SYNPR: variants seen among roughly 807,000 people sequenced by gnomAD.
SYNPR encodes synaptoporin.
In SYNPR, 23 loss-of-function variants were observed where a neutral mutation model predicts 32.9. That is an observed-to-expected ratio of 0.70 (90% CI 0.50 to 0.99). The LOEUF is 0.99. Ranked by LOEUF, SYNPR falls within the 50% of genes least tolerant of loss-of-function variation. The pLI, the probability that SYNPR is intolerant of heterozygous loss-of-function variation, is 0.00. For synonymous variants in SYNPR, 146 were observed against 135.9 expected (o/e 1.07, Z -0.52); for missense variants, 318 against 349.3 (o/e 0.91, Z 0.71).
intron 4 of SYNPR, among the ~76,000 whole-genome samples, chr3:63,592,080 GA>G (rs1469213991): frequency 3.9e-5 from 6 of 152,046 alleles, no homozygotes; most frequent in African/African-American, 1.4e-4. Flanking sequence ...GTGTCCATAA[GA>G]GAAAAGAAGA....
chr3:63,493,794 T>C (rs11921202), intron 3 of SYNPR, among the ~76,000 whole-genome samples: 85,163 of 138,184 alleles, frequency 0.62, 25,787 homozygotes, highest in African/African-American at 0.68. Context: ...CCAGCCTGGG[T>C]AACAGTGCAA....
intron 3 of SYNPR, among the ~76,000 whole-genome samples, chr3:63,541,004 A>G (rs536032213): frequency 1.3e-5 from 2 of 150,076 alleles, no homozygotes; most frequent in South Asian, 2.1e-4. Context: ...TAGTACATCT[A>G]TTTCCCTGGC....
intron 3 of SYNPR, among the ~76,000 whole-genome samples, chr3:63,507,891 G>T (rs1701620084): frequency 6.6e-6 from 1 of 151,342 alleles, no homozygotes; most frequent in Non-Finnish European, 1.5e-5. Flanking sequence ...ACAAGCCATG[G>T]ATATAAGTCA....
intron 2 of SYNPR, among the ~76,000 whole-genome samples, chr3:63,407,510 T>C (rs938869549): frequency 1.3e-5 from 2 of 152,226 alleles, no homozygotes; most frequent in Non-Finnish European, 2.9e-5. Context: ...GATGCTATTG[T>C]AAGATATTCC....
chr3:63,416,176 T>A (rs1406606477), intron 2 of SYNPR, among the ~76,000 whole-genome samples: 1 of 152,234 alleles, frequency 6.6e-6, no homozygotes, highest in Non-Finnish European at 1.5e-5. Context: ...TATTTCATTC[T>A]ATTTATATGT....
chr3:63,254,865 T>C (rs1348110843), intron 2 of SYNPR, among the ~76,000 whole-genome samples: 3 of 152,168 alleles, frequency 2.0e-5, no homozygotes, highest in African/African-American at 7.2e-5. Context: ...CCAATATAAA[T>C]GGTCTTCTTA....
chr3:63,589,155 G>C (rs558277340), intron 4 of SYNPR, among the ~76,000 whole-genome samples: 42 of 152,166 alleles, frequency 2.8e-4, no homozygotes, highest in African/African-American at 8.7e-4. Flanking sequence ...TTCACCGTGA[G>C]TCCTGAGACT....
At chr3:63,286,431 C>A (rs1031688384) in intron 2 of SYNPR, among the ~76,000 whole-genome samples, 2 of 152,172 alleles carry the variant, frequency 1.3e-5, no homozygotes, top group African/African-American at 2.4e-5. Context: ...CAGATACAGG[C>A]ACTTACTAAC....
At chr3:63,365,752 G>T (rs531306025) in intron 2 of SYNPR, among the ~76,000 whole-genome samples, 2 of 152,224 alleles carry the variant, frequency 1.3e-5, no homozygotes, top group East Asian at 3.9e-4. Flanking sequence ...TTTTTCTAAG[G>T]CGATATATAC....
chr3:63,550,412 T>C (rs1702480006), intron 3 of SYNPR, among the ~76,000 whole-genome samples: 2 of 151,986 alleles, frequency 1.3e-5, no homozygotes, highest in Non-Finnish European at 1.5e-5. Flanking sequence ...TGTGTATATA[T>C]ATATATTTTA....
the SYNPR span, among the ~76,000 whole-genome samples, chr3:63,203,010 G>A: frequency 1.1e-4 from 16 of 140,614 alleles, no homozygotes; most frequent in South Asian, 3.6e-3. Context: ...TAGCTATTTT[G>A]GTTCTTTGTT....
At chr3:63,309,356 A>G in intron 2 of SYNPR, among the ~76,000 whole-genome samples, 1 of 151,642 alleles carries the variant, frequency 6.6e-6, no homozygotes, top group East Asian at 2.0e-4. Context: ...TGTGGGTTGT[A>G]TTTTCCTGTG....
intron 2 of SYNPR, among the ~76,000 whole-genome samples, chr3:63,329,052 T>C (rs1256964581): frequency 6.6e-6 from 1 of 152,116 alleles, no homozygotes; most frequent in East Asian, 1.9e-4. Flanking sequence ...AGTTCTTAGG[T>C]GGTATAAAAG....
At chr3:63,532,892 A>C (rs1023239711) in intron 3 of SYNPR, among the ~76,000 whole-genome samples, 5 of 152,218 alleles carry the variant, frequency 3.3e-5, no homozygotes, top group African/African-American at 9.6e-5. Flanking sequence ...TAATTTTGCA[A>C]ACTCCATTTC....
At chr3:63,307,336 C>A (rs1172327435) in intron 2 of SYNPR, among the ~76,000 whole-genome samples, 1 of 151,996 alleles carries the variant, frequency 6.6e-6, no homozygotes, top group Non-Finnish European at 1.5e-5. Flanking sequence ...ACCCTTATCA[C>A]CTTCTTAAAT....
At chr3:63,408,014 G>T (rs539370199) in intron 2 of SYNPR, among the ~76,000 whole-genome samples, 1 of 151,774 alleles carries the variant, frequency 6.6e-6, no homozygotes, top group South Asian at 2.1e-4. Context: ...AGCTAGCATG[G>T]TTCCTTAATA....
At chr3:63,313,572 T>C (rs13071282) in intron 2 of SYNPR, among the ~76,000 whole-genome samples, 1 of 148,232 alleles carries the variant, frequency 6.7e-6, no homozygotes, top group East Asian at 2.1e-4. Context: ...TAGTATTCCA[T>C]TGTGTGTGTA....
chr3:63,210,023 AT>A, the SYNPR span, among the ~76,000 whole-genome samples: 1,839 of 149,866 alleles, frequency 0.012, 30 homozygotes, highest in African/African-American at 0.038. Context: ...ATTAGCTAAA[AT>A]TTTTTTTTTT....
chr3:63,607,837 C>T (rs1165189909), intron 4 of SYNPR, among the ~76,000 whole-genome samples: 2 of 152,140 alleles, frequency 1.3e-5, no homozygotes, highest in Admixed American at 6.5e-5. Context: ...AAAGTTCCCT[C>T]AGTGTAGATC....
Sources: gnomAD v4.1 joint callset for allele counts (sites outside exome capture counted in the v4.1 genomes callset) on GRCh38, gnomAD v4.1.1 for gene constraint, MANE v1.5 for transcripts, NCBI Gene and HGNC (gene_info 2026-07-23, HGNC 2026-07-21) for gene names.